ARID1B: variants seen among roughly 807,000 people sequenced by gnomAD.
The protein encoded by ARID1B is AT-rich interaction domain 1B.
Under a neutral mutation model 212.3 loss-of-function variants are expected in ARID1B, and 30 were observed. That is an observed-to-expected ratio of 0.14 (90% CI 0.11 to 0.19). The LOEUF is 0.19. Among genes scored for constraint, ARID1B ranks in the 10% least tolerant of loss-of-function variants. The pLI is 1.00. For synonymous variants in ARID1B, 1,402 were observed against 1,301.7 expected (o/e 1.08, Z -1.66); for missense variants, 2,891 against 3,204.0 (o/e 0.90, Z 2.36).
intron 6 of ARID1B, among the ~76,000 whole-genome samples, chr6:157,129,480 G>T (rs978242176): frequency 6.6e-6 from 1 of 152,154 alleles, no homozygotes; most frequent in Non-Finnish European, 1.5e-5. Context: ...TAGAAAACAA[G>T]ATTTCAGGAA....
intron 4 of ARID1B, chr6:156,977,014 A>C (rs895255149): frequency 2.0e-6 from 1 of 497,268 alleles, no homozygotes; most frequent in Non-Finnish European, 3.9e-6. Flanking sequence ...GGCATCATGG[A>C]CCATAAGGAA....
chr6:156,958,502 G>C (rs889483326), intron 4 of ARID1B, among the ~76,000 whole-genome samples: 15 of 152,196 alleles, frequency 9.9e-5, no homozygotes, highest in African/African-American at 3.6e-4. Flanking sequence ...CCTTTGTAGT[G>C]TGCTATTATG....
intron 13 of ARID1B, chr6:157,185,592 A>G (rs914249114): frequency 1.3e-5 from 2 of 152,272 alleles, no homozygotes; most frequent in African/African-American, 4.8e-5. Context: ...TGGGGAGTAG[A>G]AGGTCTTATC....
Position 157,062,502 on chromosome 6 carries a change from T to A in ARID1B, c.2248-22160T>A, listed in dbSNP as rs558826812. 4.1e-4 allele frequency among the ~76,000 whole-genome samples: 63 copies of A among 151,906 alleles called. No homozygotes were observed. In the South Asian group the frequency reaches 0.013, roughly 31 times the overall value. On this transcript the variant is annotated intron_variant, in intron 4 of 19. Coordinates refer to ENST00000636930, the MANE Select transcript of ARID1B (RefSeq NM_001374828.1). ...GTGTGAGCCACCGAACATGGCTTGT[T>A]TCTCCTTTTGTTAATTGCTGTAGAC... is the stretch of plus-strand genomic sequence containing the variant.
intron 3 of ARID1B, among the ~76,000 whole-genome samples, chr6:156,911,608 A>G (rs1789901094): frequency 6.6e-6 from 1 of 152,226 alleles, no homozygotes; most frequent in Admixed American, 6.5e-5. Flanking sequence ...TTCCCTATGT[A>G]TAAAATTTCA....
intron 4 of ARID1B, among the ~76,000 whole-genome samples, chr6:157,039,862 C>CT (rs1781729536): frequency 9.1e-6 from 1 of 110,052 alleles, no homozygotes; most frequent in African/African-American, 3.4e-5. Flanking sequence ...CTCTCTTTCT[C>CT]TCTCTTTCTC....
chr6:156,887,139 C>G (rs187230449), intron 2 of ARID1B, among the ~76,000 whole-genome samples: 1 of 152,356 alleles, frequency 6.6e-6, no homozygotes, highest in East Asian at 1.9e-4. Flanking sequence ...ACAGAAGACT[C>G]ATGCTCATTT....
rs867068967 is a variant in ARID1B, at chr6:157,180,985, C to A, written c.3521C>A (p.Thr1174Asn). The A allele has an allele frequency of 1.4e-5, 23 of 1,613,638 alleles. No individual in the cohort carries two copies. In the Middle Eastern group the frequency reaches 1.0e-3, roughly 72 times the overall value. Residue 1174 changes from threonine to asparagine, a missense_variant, in exon 12 of 20, where the codon ACC becomes AAC. Physicochemically the swap from Thr to Asn is moderately conservative, Grantham distance 65. Around this residue, in one of 7 missense-constraint regions of ARID1B, gnomAD observed 666 missense variants for 873.5 expected, o/e 0.76. Coordinates refer to ENST00000636930, the MANE Select transcript of ARID1B (RefSeq NM_001374828.1). ...GGGTACTAGAAGTCCAGCTCCTCCA[C>A]CACTACTGGGGAGAAGATCACGAAG... ...TPSSPKSSSS[T>N]TTGEKITKVY...
chr6:156,779,224 G>A lies in ARID1B; in HGVS notation c.1544G>A (p.Ser515Asn), dbSNP rs1297021537. The A allele has an allele frequency of 9.5e-6, 12 of 1,265,876 alleles. No homozygotes were observed. Among genetic ancestry groups the A allele is most frequent in the Non-Finnish European group, 1.1e-5 (11 of 997,482 alleles). The allele number at this position is 1,265,876 out of a possible 1,614,324, so 78.4% of individuals were successfully genotyped here. A position where few individuals can be genotyped will look rare whatever the true frequency, so the allele number is the denominator to read the frequency against. Residue 515 changes from serine (S) to asparagine (N), a missense_variant, in exon 1 of 20, where the codon AGC (serine) becomes AAC (asparagine). Ser to Asn is a conservative substitution (Grantham distance 46). Around this residue, in one of 7 missense-constraint regions of ARID1B, gnomAD observed 1,643 missense variants for 1,544.0 expected, o/e 1.06. Transcript: ENST00000636930. ...ACCTCGCCCAGCCCCATGATGCGGA[G>A]CTACGGCGGCAGCTACCCCGAGTAC... ...LLTSPSPMMR[S>N]YGGSYPEYSS...
At chr6:156,973,496 C>T (rs1185819670) in intron 4 of ARID1B, among the ~76,000 whole-genome samples, 1 of 152,146 alleles carries the variant, frequency 6.6e-6, no homozygotes, top group African/African-American at 2.4e-5. Context: ...CTAAGCTGCT[C>T]ATCTTCTGCA....
chr6:156,885,587 G>A (rs1370123936), intron 2 of ARID1B, among the ~76,000 whole-genome samples: 2 of 152,004 alleles, frequency 1.3e-5, no homozygotes, highest in Non-Finnish European at 2.9e-5. Flanking sequence ...GGTCTACTTG[G>A]TACATGTTCC....
Position 156,777,725 on chromosome 6 carries a change from G to A in ARID1B, c.45G>A (p.Arg15=). The A allele has an allele frequency of 5.7e-6, 1 of 174,090 alleles. No individual in the cohort carries two copies. 10.8% of individuals were successfully genotyped at this position (174,090 alleles called of 1,614,324 possible). Residue 15 remains arginine, a synonymous_variant, in exon 1 of 20, where the codon CGG becomes CGA. Transcript: ENST00000636930. The part of the protein sequence containing the change: ...AAAAAAAAAA[R]ARARAGSGER... ...CGGCGGCGGCGGCGGCGGCGGCGCGGGCGCGGGCGCGGGCAGGCAGCGGCG... is the reference window on the plus strand; with the variant it reads ...CGGCGGCGGCGGCGGCGGCGGCGCGAGCGCGGGCGCGGGCAGGCAGCGGCG...
rs545032505 is a variant in ARID1B, at chr6:157,190,581, G to A, written c.4231+371G>A. On this transcript the variant is annotated intron_variant, in intron 15 of 19. Coordinates refer to ENST00000636930, the MANE Select transcript of ARID1B (RefSeq NM_001374828.1). This position sits in a 1 kb window ranked among gnomAD's most constrained non-coding sequence, Gnocchi z 4.6. The stretch of plus-strand genomic sequence containing the variant: ...CTGCAACAGAGCTCAGAGAAGAGTG[G>A]CTGGCAGCCGCGGTAAGTAAGCACG... Among the ~76,000 whole-genome samples the A allele has an allele frequency of 5.3e-5, 8 of 152,332 alleles. No homozygotes were observed. The South Asian group carries it at 1.7e-3, about 32-fold the overall frequency.
chr6:157,039,630 C>CTTCT (rs1356477194), intron 4 of ARID1B, among the ~76,000 whole-genome samples: 3 of 123,662 alleles, frequency 2.4e-5, no homozygotes, highest in African/African-American at 9.9e-5. Context: ...TCCTTCCTTC[C>CTTCT]TTCCTTCCTT....
At chr6:157,145,995 G>C (rs1008849219) in intron 7 of ARID1B, among the ~76,000 whole-genome samples, 3 of 152,134 alleles carry the variant, frequency 2.0e-5, no homozygotes, top group African/African-American at 7.2e-5. Flanking sequence ...GGAAATCCTT[G>C]AGAAGCTCCT....
At chr6:156,969,213 C>T (rs1776749522) in intron 4 of ARID1B, among the ~76,000 whole-genome samples, 1 of 152,194 alleles carries the variant, frequency 6.6e-6, no homozygotes, top group Non-Finnish European at 1.5e-5. Context: ...ACATATCTTG[C>T]TGTTTATGTC....
chr6:156,950,209 A>AGCCGGGCGCGGTGGCTC (rs1370803850), intron 4 of ARID1B, among the ~76,000 whole-genome samples: 1 of 152,226 alleles, frequency 6.6e-6, no homozygotes, highest in African/African-American at 2.4e-5. Context: ...AGGCAAAAGC[A>AGCCGGGCGCGGTGGCTC]AAGGCATAGG....
At chr6:157,018,262 G>A (rs1283079596) in intron 4 of ARID1B, among the ~76,000 whole-genome samples, 1 of 120,528 alleles carries the variant, frequency 8.3e-6, no homozygotes, top group Non-Finnish European at 1.6e-5. Context: ...TGTTGCCCAG[G>A]CTGGAGTGCA....
chr6:156,983,537 T>C (rs1437562418), intron 4 of ARID1B, among the ~76,000 whole-genome samples: 1 of 152,138 alleles, frequency 6.6e-6, no homozygotes, highest in Non-Finnish European at 1.5e-5. Flanking sequence ...ATATGTGAAA[T>C]ATGCTCAGGA....
Sources: allele counts gnomAD v4.1 joint callset (sites outside exome capture counted in the v4.1 genomes callset), GRCh38; gene constraint gnomAD v4.1.1; regional missense constraint gnomAD v4.1.1; non-coding constraint Gnocchi (gnomAD v3.1); transcripts MANE v1.5; gene names NCBI Gene and HGNC (gene_info 2026-07-23, HGNC 2026-07-21).